The following MACROD2 variants were observed in gnomAD, a reference collection of about 807,000 sequenced individuals.
MACROD2 encodes ADP-ribose glycohydrolase MACROD2.
MACROD2 carries 36 observed loss-of-function variants against 70.4 expected under a neutral mutation model. The ratio of observed to expected loss-of-function variants is 0.51; its 90% CI spans 0.39 to 0.68. The LOEUF is 0.68. Ranked by LOEUF, MACROD2 falls within the 30% of genes least tolerant of loss-of-function variation. The pLI is 0.00. For synonymous variants in MACROD2, 172 were observed against 178.8 expected (o/e 0.96, Z 0.30); for missense variants, 496 against 538.4 (o/e 0.92, Z 0.78).
intron 2 of MACROD2, among the ~76,000 whole-genome samples, chr20:14,013,613 A>C (rs2052944996): frequency 6.6e-6 from 1 of 150,544 alleles, no homozygotes. Flanking sequence ...ACAACACATC[A>C]ATTTCATTGT....
chr20:14,754,795 A>ATTTTTT (rs11461670), intron 5 of MACROD2, among the ~76,000 whole-genome samples: 34 of 143,774 alleles, frequency 2.4e-4, no homozygotes, highest in African/African-American at 3.3e-4. Flanking sequence ...AGGTAAAGTG[A>ATTTTTT]TTTTTTTTTT....
chr20:15,392,762 T>A (rs190092915), intron 6 of MACROD2, among the ~76,000 whole-genome samples: 44 of 152,248 alleles, frequency 2.9e-4, no homozygotes, highest in Non-Finnish European at 5.9e-4. Flanking sequence ...TCCCTGTTTT[T>A]CTTCTTTCCT....
chr20:14,109,062 G>A (rs1224905424), intron 3 of MACROD2, among the ~76,000 whole-genome samples: 1 of 152,000 alleles, frequency 6.6e-6, no homozygotes, highest in Non-Finnish European at 1.5e-5. Flanking sequence ...ATAATATCAA[G>A]CATCTTCTCT....
chr20:15,133,834 TA>T (rs1241436235), intron 5 of MACROD2, among the ~76,000 whole-genome samples: 3 of 152,106 alleles, frequency 2.0e-5, no homozygotes, highest in Admixed American at 2.0e-4. Context: ...GAAAATCTTT[TA>T]AAATTAACTG....
chr20:14,561,276 G>A (rs1473549783), intron 4 of MACROD2, among the ~76,000 whole-genome samples: 2 of 151,756 alleles, frequency 1.3e-5, no homozygotes, highest in Non-Finnish European at 2.9e-5. Context: ...TTTGTAACCT[G>A]ATTAGAAGAC....
At chr20:14,083,357 A>T (rs965629252) in intron 2 of MACROD2, among the ~76,000 whole-genome samples, 5 of 151,266 alleles carry the variant, frequency 3.3e-5, no homozygotes, top group African/African-American at 1.2e-4. Context: ...TGGGAGATGG[A>T]GGTTGCAGTA....
At chr20:15,018,881 C>G (rs1027212041) in intron 5 of MACROD2, among the ~76,000 whole-genome samples, 1 of 152,188 alleles carries the variant, frequency 6.6e-6, no homozygotes, top group African/African-American at 2.4e-5. Context: ...AACCATCACA[C>G]CATGTGACAT....
At chr20:15,281,407 T>C (rs1481293213) in intron 6 of MACROD2, among the ~76,000 whole-genome samples, 1 of 152,162 alleles carries the variant, frequency 6.6e-6, no homozygotes, top group Non-Finnish European at 1.5e-5. Flanking sequence ...TATGAGCCTG[T>C]AAAATCAAAA....
chr20:14,594,826 A>G (rs1982014884), intron 4 of MACROD2, among the ~76,000 whole-genome samples: 1 of 152,222 alleles, frequency 6.6e-6, no homozygotes, highest in Non-Finnish European at 1.5e-5. Context: ...CGGGAAGCGG[A>G]GGTTGCAGTG....
chr20:14,067,123 GTT>G (rs544348706), intron 2 of MACROD2, among the ~76,000 whole-genome samples: 6 of 85,034 alleles, frequency 7.1e-5, no homozygotes, highest in African/African-American at 4.7e-5. Flanking sequence ...ATTTTTTAGT[GTT>G]TTTTTTTTTT....
Position 14,273,209 on chromosome 20 carries a change from C to T in MACROD2, c.271+187481C>T, listed in dbSNP as rs9753630. Among the ~76,000 whole-genome samples, 665 of 152,238 alleles carry T rather than the reference C, an allele frequency of 4.4e-3. 7 individuals are homozygous for T. The highest frequency in any genetic ancestry group is 0.015 in the African/African-American group (605 of 41,518). On this transcript the variant is annotated intron_variant, in intron 3 of 17. Transcript: ENST00000684519. ...AATGTACATTTTTTTCAGCACCACA[C>T]CACATGTATTCCAAAATTGACCACA...
chr20:14,232,601 T>G (rs1368606853), intron 3 of MACROD2, among the ~76,000 whole-genome samples: 1 of 152,252 alleles, frequency 6.6e-6, no homozygotes, highest in Non-Finnish European at 1.5e-5. Context: ...TGCAGCTTCC[T>G]CACCTCTGTC....
At chr20:14,822,028 A>G (rs2072851132) in intron 5 of MACROD2, among the ~76,000 whole-genome samples, 1 of 152,076 alleles carries the variant, frequency 6.6e-6, no homozygotes, top group African/African-American at 2.4e-5. Context: ...TAAAGTAGGT[A>G]TTTGACATCT....
At chr20:15,303,595 G>T (rs1462132899) in intron 6 of MACROD2, among the ~76,000 whole-genome samples, 2 of 152,094 alleles carry the variant, frequency 1.3e-5, no homozygotes, top group South Asian at 2.1e-4. Context: ...CTCTGCCAGC[G>T]TCTCACTTTT....
At chr20:14,126,556 C>G (rs544140279) in intron 3 of MACROD2, among the ~76,000 whole-genome samples, 288 of 152,136 alleles carry the variant, frequency 1.9e-3, no homozygotes, top group African/African-American at 6.4e-3. Flanking sequence ...TTGTGGTAAC[C>G]CTGTGCTGAG....
intron 5 of MACROD2, among the ~76,000 whole-genome samples, chr20:15,042,958 T>A (rs2123031478): frequency 6.6e-6 from 1 of 152,326 alleles, no homozygotes; most frequent in Middle Eastern, 3.4e-3. Flanking sequence ...ATGGTTTAGG[T>A]GTTTCTTTCC....
At chr20:14,716,839 C>T (rs531912053) in intron 5 of MACROD2, among the ~76,000 whole-genome samples, 1 of 152,198 alleles carries the variant, frequency 6.6e-6, no homozygotes, top group Non-Finnish European at 1.5e-5. Context: ...CTGCTGTATG[C>T]AAATGTTCCA....
intron 3 of MACROD2, among the ~76,000 whole-genome samples, chr20:14,460,139 T>G (rs889894645): frequency 6.6e-6 from 1 of 152,060 alleles, no homozygotes; most frequent in South Asian, 2.1e-4. Flanking sequence ...TGGGCATTTG[T>G]GTTGGTTCCA....
rs117779721 is a variant in MACROD2, at chr20:15,528,680, A to G, written c.645+28833A>G. On this transcript the variant is annotated intron_variant, in intron 8 of 17. Transcript: ENST00000684519. ...CACACACTTCTGTTTGCGTTTTTTC[A>G]TCCAGAAATTAAAATATCTCATTTG... 2.6e-3 allele frequency among the ~76,000 whole-genome samples: 391 copies of G among 149,496 alleles called. 8 individuals are homozygous for G. In the East Asian group the frequency reaches 0.05, roughly 19 times the overall value.
Sources: gnomAD v4.1 joint callset for allele counts (sites outside exome capture counted in the v4.1 genomes callset) on GRCh38, gnomAD v4.1.1 for gene constraint, MANE v1.5 for transcripts, NCBI Gene and HGNC (gene_info 2026-07-23, HGNC 2026-07-21) for gene names.